Variants in WDR86 observed in about 807,000 individuals in gnomAD.
The protein encoded by WDR86 is WD repeat domain 86, also known as WD repeat-containing protein 86.
In WDR86, 30 loss-of-function variants were observed where a neutral mutation model predicts 36.5. The ratio of observed to expected loss-of-function variants is 0.82; its 90% CI spans 0.61 to 1.11. WDR86 has a LOEUF of 1.11. Ranked by LOEUF, WDR86 falls within the 50% of genes most tolerant of loss-of-function variation. WDR86 has a pLI of 0.00. For missense variants in WDR86, 545 were observed against 561.2 expected, an observed-to-expected ratio of 0.97 and a Z score of 0.29; for synonymous variants, 255 against 252.9, an observed-to-expected ratio of 1.01 and a Z score of -0.08.
In WDR86 at chr7:151,381,354, C is replaced by A; in HGVS notation, c.*228G>T. 7.1e-7 allele frequency: 1 copy of A among 1,410,182 alleles called. No individual in the cohort carries two copies. Among genetic ancestry groups the A allele is most frequent in the Non-Finnish European group, 9.2e-7 (1 of 1,091,584 alleles). 87.4% of individuals were successfully genotyped at this position (1,410,182 alleles called of 1,614,324 possible). ...CAGGGATGGGGAGGGAGGACAGGAG[C>A]CACCCTAAAAGGGAAAAGGGGGCGG... On this transcript the variant is annotated 3_prime_UTR_variant, in exon 6 of 6. Transcript: ENST00000334493. This position sits in a 1 kb window ranked among gnomAD's most constrained non-coding sequence, Gnocchi z 4.8.
In WDR86 at chr7:151,409,486, TCGCTGCCCGTCAGCAGG is replaced by T. The variant is rs1192379941; in HGVS notation, c.87_103del (p.Leu30GlyfsTer22). 3 of 1,535,102 alleles carry T rather than the reference TCGCTGCCCGTCAGCAGG, an allele frequency of 2.0e-6. No homozygotes were observed. Among genetic ancestry groups the T allele is most frequent in the Non-Finnish European group, 1.7e-6 (2 of 1,146,558 alleles). On this transcript the variant is annotated frameshift_variant, in exon 1 of 6. Coordinates refer to ENST00000334493, the MANE Select transcript of WDR86 (RefSeq NM_198285.3). LOFTEE classifies it high-confidence loss of function. This position sits in a 1 kb window ranked among gnomAD's most constrained non-coding sequence, Gnocchi z 5.2. Reference sequence around the variant, plus strand: ...GCTCCAGAGCCGGGCCGTGCCGTCCTCGCTGCCCGTCAGCAGGCGCTGCCCGTCGGGGCTCAGGCTCA... The same window carrying T: ...GCTCCAGAGCCGGGCCGTGCCGTCCTCGCTGCCCGTCGGGGCTCAGGCTCA...
rs774449639 is a variant in WDR86, at chr7:151,381,855, C to T, written c.966+23G>A. On this transcript the variant is annotated intron_variant, in intron 5 of 5. Transcript: ENST00000334493. This position sits in a 1 kb window ranked among gnomAD's most constrained non-coding sequence, Gnocchi z 4.8. ...ACCTTCCCTCCCACGGGCGGCGGCC[C>T]CGAGAAGGGCAGAGGGACCTACCTG... 5.0e-6 allele frequency: 8 copies of T among 1,592,286 alleles called. No homozygotes were observed. Among genetic ancestry groups the T allele is most frequent in the South Asian group, 3.4e-5 (3 of 88,228 alleles).
chr7:151,386,010 G>C (rs1176956513), intron 3 of WDR86, among the ~76,000 whole-genome samples: 1 of 152,194 alleles, frequency 6.6e-6, no homozygotes, highest in Non-Finnish European at 1.5e-5. Flanking sequence ...GGGCTCCACA[G>C]CTGCAGTGAC....
intron 2 of WDR86, among the ~76,000 whole-genome samples, chr7:151,397,733 G>GTAGTGGGAGGAAGGGCA (rs1799949276): frequency 2.6e-5 from 2 of 78,274 alleles, no homozygotes; most frequent in Non-Finnish European, 4.8e-5. Context: ...GGAAGAGGGT[G>GTAGTGGGAGGAAGGGCA]TAGCGGGAGG....
In WDR86 at chr7:151,406,966, C is replaced by T. The variant is rs1188931710; in HGVS notation, c.163+2461G>A. 6.6e-6 allele frequency among the ~76,000 whole-genome samples: 1 copy of T among 152,002 alleles called. No homozygotes were observed. The highest frequency in any genetic ancestry group is 1.9e-4 in the East Asian group (1 of 5,198). ...AAATCCTGCAGGAGAAAGGAACTGG[C>T]AACACCTTGCTTTCTTTGGGGATCC... On this transcript the variant is annotated intron_variant, in intron 1 of 5. Transcript: ENST00000334493. This position sits in a 1 kb window ranked among gnomAD's most constrained non-coding sequence, Gnocchi z 4.4.
intron 1 of WDR86, among the ~76,000 whole-genome samples, chr7:151,408,372 AT>A (rs1366309024): frequency 2.0e-5 from 3 of 151,320 alleles, no homozygotes; most frequent in Non-Finnish European, 1.5e-5. Flanking sequence ...AATTTTTTGT[AT>A]TTTTATTAGA....
chr7:151,389,995 G>C (rs554551557), intron 3 of WDR86, among the ~76,000 whole-genome samples: 18 of 152,264 alleles, frequency 1.2e-4, no homozygotes, highest in Middle Eastern at 3.4e-3. Context: ...GGTGAGCCAG[G>C]GGCTGAATGC....
In WDR86 at chr7:151,388,458, G is replaced by A. The variant is rs566049848; in HGVS notation, c.727-3235C>T. ...GCAGGGGAGAGGGCTGCCCTGCAGC[G>A]CAGGGCCACCACAGACAGGGTGCCC... On this transcript the variant is annotated intron_variant, in intron 3 of 5. Transcript: ENST00000334493. The surrounding 1 kb of genome is among the most constrained non-coding windows in gnomAD (Gnocchi z 4.2). 0.076 allele frequency among the ~76,000 whole-genome samples: 7 copies of A among 92 alleles called. No homozygotes were observed. The highest frequency in any genetic ancestry group is 0.5 in the East Asian group (3 of 6). 0.1% of individuals were successfully genotyped at this position (92 alleles called of 152,430 possible).
intron 1 of WDR86, among the ~76,000 whole-genome samples, chr7:151,402,047 C>CAAAAAAA (rs71198714): frequency 4.7e-4 from 7 of 14,950 alleles, no homozygotes; most frequent in Non-Finnish European, 7.9e-4. Flanking sequence ...AACTCTGCCT[C>CAAAAAAA]AAAAAAAAAA....
chr7:151,400,048 A>G lies in WDR86; in HGVS notation c.305+52T>C. 3.4e-6 allele frequency: 5 copies of G among 1,463,650 alleles called. No homozygotes were observed. In the South Asian group the frequency reaches 7.5e-5, roughly 22 times the overall value. The allele number at this position is 1,463,650 out of a possible 1,614,324, so 90.7% of individuals were successfully genotyped here. A position where few individuals can be genotyped will look rare whatever the true frequency, so the allele number is the denominator to read the frequency against. ...CCCATATCTCTGACCCCTCAGCCCC[A>G]CCAGAAGCCTATGTATGGTGAGACT... On this transcript the variant is annotated intron_variant, in intron 2 of 5. Transcript: ENST00000334493.
At position 151,400,176 on chromosome 7, in the gene WDR86, A is replaced by G. The variant is rs1391731324; in HGVS notation, c.229T>C (p.Cys77Arg). 5.0e-6 allele frequency: 8 copies of G among 1,612,214 alleles called. No homozygotes were observed. Among genetic ancestry groups the G allele is most frequent in the Non-Finnish European group, 6.8e-6 (8 of 1,179,230 alleles). ...AGCACGTCCCACCTCCTGATGGTGC[A>G]GTCGGCGCTGCATGTGAAGGCAGCC... The part of the protein sequence containing the change: ...DEAAFTCSAD[C>R]TIRRWDVLTG... The change falls in exon 2 of 6, where the codon TGC (cysteine) becomes CGC (arginine). Residue 77 changes from cysteine (C) to arginine (R), a missense_variant. Cys to Arg is a radical substitution (Grantham distance 180). Coordinates refer to ENST00000334493, the MANE Select transcript of WDR86 (RefSeq NM_198285.3).
intron 2 of WDR86, 50 bp downstream of exon 2, chr7:151,400,050 C>A: frequency 6.8e-7 from 1 of 1,469,932 alleles, no homozygotes; most frequent in African/African-American, 1.4e-5. Flanking sequence ...TCAGCCCCAC[C>A]AGAAGCCTAT....
chr7:151,408,799 C>G, intron 1 of WDR86: 1 of 430,728 alleles, frequency 2.3e-6, no homozygotes, highest in South Asian at 1.7e-5. Flanking sequence ...CAAATAGAAA[C>G]CAACAGGCAT....
At chr7:151,380,979 GCACCCACAAGT>G, downstream of WDR86, 1 of 249,156 alleles carries the variant, frequency 4.0e-6, no homozygotes, top group Non-Finnish European at 7.0e-6. Flanking sequence ...GCCCCGCAGC[GCACCCACAAGT>G]CACCCCCAAG....
intron 2 of WDR86, among the ~76,000 whole-genome samples, chr7:151,396,484 C>G (rs1043131645): frequency 6.6e-6 from 1 of 152,220 alleles, no homozygotes. Flanking sequence ...CACAGCAGCT[C>G]TGCAGGAGCA....
chr7:151,402,070 A>AAAAATAGATAT, intron 1 of WDR86, among the ~76,000 whole-genome samples: 1 of 50,558 alleles, frequency 2.0e-5, no homozygotes, highest in Non-Finnish European at 3.3e-5. Context: ...AAAAAAAAAA[A>AAAAATAGATAT]ATATATATAT....
exon 2 of WDR86, chr7:151,376,077 T>G: frequency 1.5e-6 from 1 of 682,016 alleles, no homozygotes; most frequent in Non-Finnish European, 2.7e-6. Flanking sequence ...AGGTGTAACC[T>G]GCCCACCTCA....
rs1799193566 is a variant in WDR86, at chr7:151,388,930, G to A, written c.727-3707C>T. Among the ~76,000 whole-genome samples, 2 of 152,040 alleles carry A rather than the reference G, an allele frequency of 1.3e-5. No individual in the cohort carries two copies. The highest frequency in any genetic ancestry group is 4.8e-5 in the African/African-American group (2 of 41,392). Reference sequence around the variant, plus strand: ...TGAGATGAGTTCCCTTTTATAAAAGGGCTTAAGGGAGCCTGTTTGTCCCTT... The same window carrying A: ...TGAGATGAGTTCCCTTTTATAAAAGAGCTTAAGGGAGCCTGTTTGTCCCTT... On this transcript the variant is annotated intron_variant, in intron 3 of 5. Coordinates refer to ENST00000334493, the MANE Select transcript of WDR86 (RefSeq NM_198285.3). The surrounding 1 kb of genome is among the most constrained non-coding windows in gnomAD (Gnocchi z 4.2).
At chr7:151,397,607 A>C (rs1799914278) in intron 2 of WDR86, among the ~76,000 whole-genome samples, 1 of 88,090 alleles carries the variant, frequency 1.1e-5, no homozygotes. Context: ...TGCTGCTGCA[A>C]AGTGCGGGAG....
Sources: allele counts gnomAD v4.1 joint callset (sites outside exome capture counted in the v4.1 genomes callset), GRCh38; gene constraint gnomAD v4.1.1; non-coding constraint Gnocchi (gnomAD v3.1); transcripts MANE v1.5; gene names NCBI Gene and HGNC (gene_info 2026-07-23, HGNC 2026-07-21).